Variants in PLEKHM3 observed in about 807,000 individuals in gnomAD.
The protein encoded by PLEKHM3 is pleckstrin homology domain containing M3.
Under a neutral mutation model 81.8 loss-of-function variants are expected in PLEKHM3, and 45 were observed. The observed-to-expected ratio is 0.55, with a 90% CI of 0.43 to 0.71. The LOEUF is 0.71. PLEKHM3 is among the 30% of genes least tolerant of loss of function. PLEKHM3 has a pLI of 0.00. For missense variants in PLEKHM3, 788 were observed against 924.3 expected (o/e 0.85, Z 1.91); for synonymous variants, 352 against 356.4 (o/e 0.99, Z 0.14).
chr2:207,867,850 C>T (rs2092510283), intron 6 of PLEKHM3, among the ~76,000 whole-genome samples: 1 of 151,960 alleles, frequency 6.6e-6, no homozygotes. Context: ...CTTAAGGGGC[C>T]ATATTATACA....
chr2:207,991,342 T>C (rs1405671469), intron 2 of PLEKHM3, among the ~76,000 whole-genome samples: 1 of 152,202 alleles, frequency 6.6e-6, no homozygotes, highest in Admixed American at 6.5e-5. Flanking sequence ...GACTTAGAGC[T>C]GGAAGAGATC....
At chr2:207,945,708 C>T (rs953217744) in intron 4 of PLEKHM3, among the ~76,000 whole-genome samples, 3 of 152,064 alleles carry the variant, frequency 2.0e-5, no homozygotes, top group African/African-American at 7.2e-5. Flanking sequence ...TTGAGACCAG[C>T]CTGGGGAACA....
At chr2:207,907,297 T>C (rs1688641871) in intron 6 of PLEKHM3, among the ~76,000 whole-genome samples, 2 of 151,876 alleles carry the variant, frequency 1.3e-5, no homozygotes, top group Non-Finnish European at 2.9e-5. Flanking sequence ...AGGTCAGGAG[T>C]TCGAGACCAG....
At chr2:207,941,078 A>T (rs186087621) in intron 4 of PLEKHM3, among the ~76,000 whole-genome samples, 288 of 152,318 alleles carry the variant, frequency 1.9e-3, no homozygotes, top group African/African-American at 6.3e-3. Flanking sequence ...CTGGACACAG[A>T]GTTGCCCAGG....
chr2:207,893,145 C>T (rs1688112388), intron 6 of PLEKHM3, among the ~76,000 whole-genome samples: 2 of 152,132 alleles, frequency 1.3e-5, no homozygotes, highest in African/African-American at 4.8e-5. Context: ...GTTGTTATCT[C>T]TATGTTAAAT....
intron 7 of PLEKHM3, among the ~76,000 whole-genome samples, chr2:207,844,413 C>T (rs2092371630): frequency 1.3e-5 from 2 of 151,430 alleles, no homozygotes; most frequent in South Asian, 4.2e-4. Flanking sequence ...CGCCATTCTC[C>T]TGCCTCAGCC....
chr2:207,847,359 A>G (rs1283111623), intron 7 of PLEKHM3, among the ~76,000 whole-genome samples: 4 of 152,266 alleles, frequency 2.6e-5, no homozygotes, highest in African/African-American at 9.6e-5. Context: ...CTTTGACTAA[A>G]GTTTAAAATC....
At chr2:207,995,084 A>G (rs1692026647) in intron 2 of PLEKHM3, among the ~76,000 whole-genome samples, 1 of 152,150 alleles carries the variant, frequency 6.6e-6, no homozygotes. Flanking sequence ...TTACAAACCC[A>G]TCAGGGTCGG....
At chr2:208,013,740 G>C (rs1330722271) in intron 1 of PLEKHM3, among the ~76,000 whole-genome samples, 1 of 152,120 alleles carries the variant, frequency 6.6e-6, no homozygotes, top group Non-Finnish European at 1.5e-5. Flanking sequence ...AGGATGTCAT[G>C]GGAAATTAAT....
chr2:207,931,160 T>G (rs1235772979), intron 4 of PLEKHM3, 41 bp from the exon 5 acceptor site: 1 of 1,550,478 alleles, frequency 6.4e-7, no homozygotes, highest in African/African-American at 1.4e-5. Context: ...GAGAAGCACC[T>G]GGCTCTCCAC....
intron 4 of PLEKHM3, among the ~76,000 whole-genome samples, chr2:207,944,631 T>C (rs1690061532): frequency 6.6e-6 from 1 of 152,178 alleles, no homozygotes; most frequent in South Asian, 2.1e-4. Context: ...TAAAAGAATC[T>C]GATGAAAGCT....
chr2:207,861,828 T>C (rs1157040697), intron 6 of PLEKHM3, among the ~76,000 whole-genome samples: 1 of 152,214 alleles, frequency 6.6e-6, no homozygotes, highest in Non-Finnish European at 1.5e-5. Context: ...TAGGTTTTTT[T>C]CTTTTAACTT....
chr2:207,961,364 T>G (rs961984684), intron 3 of PLEKHM3, among the ~76,000 whole-genome samples: 1 of 152,212 alleles, frequency 6.6e-6, no homozygotes, highest in African/African-American at 2.4e-5. Context: ...ATGATTTACT[T>G]CCTTTATAGA....
chr2:207,949,198 G>A lies in PLEKHM3; in HGVS notation c.1547-2686C>T, dbSNP rs146138844. ...CTGAAAACAGCCTTTCATTAATATC[G>A]CTGTTAAAATATGTTGCCCATTCTA... is the stretch of plus-strand genomic sequence containing the variant. On this transcript the variant is annotated intron_variant, in intron 3 of 7. Coordinates refer to ENST00000427836, the MANE Select transcript of PLEKHM3 (RefSeq NM_001080475.3). Among the ~76,000 whole-genome samples the A allele has an allele frequency of 1.4e-4, 22 of 152,214 alleles. 1 individual carries two copies. The highest frequency in any genetic ancestry group is 4.3e-4 in the African/African-American group (18 of 41,534).
At chr2:207,831,406 C>T (rs868555501) in intron 7 of PLEKHM3, among the ~76,000 whole-genome samples, 6 of 152,224 alleles carry the variant, frequency 3.9e-5, no homozygotes, top group Non-Finnish European at 7.3e-5. Context: ...CCAGCGAGAG[C>T]ATGGAGCCAT....
intron 7 of PLEKHM3, among the ~76,000 whole-genome samples, chr2:207,860,151 CTGTGTGTGTGTGTGTG>C (rs55739776): frequency 6.4e-4 from 71 of 110,758 alleles, no homozygotes; most frequent in Admixed American, 1.4e-3. Context: ...AACTCTGCCT[CTGTGTGTGTGTGTGTG>C]TGTGTGTGTG....
rs1393644068 is a variant in PLEKHM3, at chr2:207,901,085, A to C, written c.1950+7429T>G. The C allele has an allele frequency of 3.9e-5, 23 of 596,952 alleles. No homozygotes were observed. In the East Asian group the frequency reaches 5.0e-4, roughly 13 times the overall value. 37.0% of individuals were successfully genotyped at this position (596,952 alleles called of 1,614,324 possible). A position where few individuals can be genotyped will look rare whatever the true frequency, so the allele number is the denominator to read the frequency against. Reference sequence around the variant, plus strand: ...TTGTTGTCTCTACCTGAGGGGCTCGAGTTGGCTCCTGGAATCCTTATCTCA... The same window carrying C: ...TTGTTGTCTCTACCTGAGGGGCTCGCGTTGGCTCCTGGAATCCTTATCTCA... On this transcript the variant is annotated intron_variant, in intron 6 of 7. Coordinates refer to ENST00000427836, the MANE Select transcript of PLEKHM3 (RefSeq NM_001080475.3).
At chr2:207,993,500 GC>G (rs1469088419) in intron 2 of PLEKHM3, among the ~76,000 whole-genome samples, 2 of 145,816 alleles carry the variant, frequency 1.4e-5, no homozygotes, top group Admixed American at 6.9e-5. Flanking sequence ...CCCAAATTTG[GC>G]TTTTTTTTTT....
At chr2:207,844,470 T>A (rs1415959792) in intron 7 of PLEKHM3, among the ~76,000 whole-genome samples, 2 of 61,596 alleles carry the variant, frequency 3.2e-5, no homozygotes, top group Admixed American at 1.8e-4. Context: ...GCCCGGAGAA[T>A]TTTTTTTTTT....
Sources: gnomAD v4.1 joint callset for allele counts (sites outside exome capture counted in the v4.1 genomes callset) on GRCh38, gnomAD v4.1.1 for gene constraint, MANE v1.5 for transcripts, NCBI Gene and HGNC (gene_info 2026-07-23, HGNC 2026-07-21) for gene names.